Variants in SGCD observed in about 807,000 individuals in gnomAD.
The protein encoded by SGCD is sarcoglycan delta.
SGCD carries 18 observed loss-of-function variants against 36.6 expected under a neutral mutation model. That is an observed-to-expected ratio of 0.49 (90% confidence interval 0.34 to 0.73). The LOEUF is 0.73. Among genes scored for constraint, SGCD ranks in the 30% least tolerant of loss-of-function variants. The pLI is 0.01. For missense variants in SGCD, 387 were observed against 346.7 expected (o/e 1.12, Z -0.92); for synonymous variants, 133 against 130.6 (o/e 1.02, Z -0.12).
the SGCD span, among the ~76,000 whole-genome samples, chr5:155,850,976 T>G: frequency 2.0e-5 from 3 of 152,214 alleles, no homozygotes; most frequent in Non-Finnish European, 4.4e-5. Context: ...TCTAGTTACA[T>G]TAATTAATGA....
At chr5:155,768,553 C>G in the SGCD span, among the ~76,000 whole-genome samples, 2 of 152,064 alleles carry the variant, frequency 1.3e-5, no homozygotes, top group Admixed American at 6.5e-5. Flanking sequence ...TGAGAGCACC[C>G]AGGAGTTGGT....
At chr5:156,142,990 G>A (rs1762613604) in intron 3 of SGCD, among the ~76,000 whole-genome samples, 1 of 152,228 alleles carries the variant, frequency 6.6e-6, no homozygotes, top group Non-Finnish European at 1.5e-5. Flanking sequence ...CGGACTGGAA[G>A]GCATTTAAGA....
intron 1 of SGCD, among the ~76,000 whole-genome samples, chr5:155,873,120 T>C (rs181608934): frequency 2.6e-5 from 4 of 152,248 alleles, no homozygotes; most frequent in Admixed American, 1.3e-4. Context: ...CTTCTGTAGT[T>C]TCAAGCATTC....
chr5:156,179,958 C>T (rs575738237), intron 3 of SGCD, among the ~76,000 whole-genome samples: 83 of 152,168 alleles, frequency 5.5e-4, no homozygotes, highest in African/African-American at 1.9e-3. Flanking sequence ...GTTGGTGAAA[C>T]ATGCAAACCT....
intron 1 of SGCD, among the ~76,000 whole-genome samples, chr5:155,943,962 T>G (rs1757386015): frequency 6.6e-6 from 1 of 152,184 alleles, no homozygotes; most frequent in Non-Finnish European, 1.5e-5. Flanking sequence ...GAAATTTGCA[T>G]CTTTGAACCT....
chr5:156,536,331 T>G (rs982369477), intron 4 of SGCD, among the ~76,000 whole-genome samples: 2 of 152,146 alleles, frequency 1.3e-5, no homozygotes, highest in African/African-American at 4.8e-5. Flanking sequence ...AGGTGTGAAC[T>G]ACCCCACAGC....
chr5:155,856,807 A>C, the SGCD span, among the ~76,000 whole-genome samples: 1 of 152,244 alleles, frequency 6.6e-6, no homozygotes, highest in Non-Finnish European at 1.5e-5. Context: ...ACCATTACAC[A>C]TCTATTAGAG....
chr5:155,776,683 A>G, the SGCD span, among the ~76,000 whole-genome samples: 1 of 136,196 alleles, frequency 7.3e-6, no homozygotes, highest in Non-Finnish European at 1.7e-5. Context: ...CTATGCAGGA[A>G]GCAGAGCCTT....
At chr5:155,856,227 A>G in the SGCD span, among the ~76,000 whole-genome samples, 1 of 152,212 alleles carries the variant, frequency 6.6e-6, no homozygotes. Context: ...AGCAACCACT[A>G]AAATAACACT....
At chr5:156,059,795 T>C (rs66652710) in intron 1 of SGCD, among the ~76,000 whole-genome samples, 23,861 of 146,494 alleles carry the variant, frequency 0.16, 4,213 homozygotes, top group Admixed American at 0.25. Context: ...TTCGTGGCTA[T>C]TGCTGGTAAG....
At chr5:155,899,865 C>T (rs772499267) in intron 1 of SGCD, among the ~76,000 whole-genome samples, 3 of 152,098 alleles carry the variant, frequency 2.0e-5, no homozygotes, top group African/African-American at 2.4e-5. Flanking sequence ...GCAGACAGTT[C>T]GCATGGAATT....
At chr5:156,268,137 C>G (rs916444731) in intron 3 of SGCD, among the ~76,000 whole-genome samples, 1 of 152,154 alleles carries the variant, frequency 6.6e-6, no homozygotes, top group Non-Finnish European at 1.5e-5. Context: ...GGCCTCAGCT[C>G]CATCCATGTT....
chr5:156,371,033 G>C (rs983950287), intron 3 of SGCD, among the ~76,000 whole-genome samples: 3 of 151,998 alleles, frequency 2.0e-5, no homozygotes, highest in African/African-American at 7.2e-5. Context: ...TACCAGCCTA[G>C]GTTTCTATTT....
At chr5:156,613,513 G>A (rs771293122) in intron 6 of SGCD, among the ~76,000 whole-genome samples, 18 of 152,206 alleles carry the variant, frequency 1.2e-4, no homozygotes, top group Non-Finnish European at 1.9e-4. Context: ...CTTAAGTAAT[G>A]GAGAGATTAA....
At chr5:156,574,996 C>T (rs1652563875) in intron 4 of SGCD, among the ~76,000 whole-genome samples, 1 of 152,156 alleles carries the variant, frequency 6.6e-6, no homozygotes, top group South Asian at 2.1e-4. Flanking sequence ...CAGACTTGTG[C>T]TCTCAGATCT....
the SGCD span, among the ~76,000 whole-genome samples, chr5:155,803,604 G>T: frequency 9.2e-5 from 14 of 152,238 alleles, no homozygotes. Flanking sequence ...AGCAGGTAGA[G>T]CTGAGAGCAA....
intron 1 of SGCD, among the ~76,000 whole-genome samples, chr5:155,949,274 A>G (rs1040173853): frequency 6.6e-6 from 1 of 152,170 alleles, no homozygotes; most frequent in African/African-American, 2.4e-5. Flanking sequence ...CTCAGAAAAC[A>G]TAGATGGTTT....
chr5:156,739,066 A>ACCTTTT (rs1561887974), intron 7 of SGCD, among the ~76,000 whole-genome samples: 2 of 152,234 alleles, frequency 1.3e-5, no homozygotes, highest in African/African-American at 4.8e-5. Flanking sequence ...AAGATATATT[A>ACCTTTT]AGAGGGGGAA....
chr5:156,472,537 A>G (rs541092660), intron 3 of SGCD, among the ~76,000 whole-genome samples: 2 of 151,808 alleles, frequency 1.3e-5, no homozygotes, highest in African/African-American at 4.8e-5. Flanking sequence ...TGTGCCTTGG[A>G]CTCCCAAGTA....
Sources: gnomAD v4.1 joint callset for allele counts (sites outside exome capture counted in the v4.1 genomes callset) on GRCh38, gnomAD v4.1.1 for gene constraint, MANE v1.5 for transcripts, NCBI Gene and HGNC (gene_info 2026-07-23, HGNC 2026-07-21) for gene names.